RHBDL3: variants seen among roughly 807,000 people sequenced by gnomAD.
RHBDL3 encodes rhomboid like 3.
RHBDL3 carries 28 observed loss-of-function variants against 48.2 expected under a neutral mutation model. The ratio of observed to expected loss-of-function variants is 0.58; its 90% CI spans 0.43 to 0.80. The LOEUF (loss-of-function observed/expected upper bound fraction) is 0.80. Ranked by LOEUF, RHBDL3 falls within the 30% of genes least tolerant of loss-of-function variation. The probability of loss-of-function intolerance (pLI) is 0.00; values close to 1 mark genes in which losing one functional copy is unlikely to be tolerated. For missense variants in RHBDL3, 464 were observed against 542.7 expected, an observed-to-expected ratio of 0.85 and a Z score of 1.44; for synonymous variants, 208 against 232.3, an observed-to-expected ratio of 0.90 and a Z score of 0.95.
At chr17:32,311,654 C>T (rs1276107110) in intron 7 of RHBDL3, among the ~76,000 whole-genome samples, 2 of 152,072 alleles carry the variant, frequency 1.3e-5, no homozygotes, top group East Asian at 1.9e-4. Flanking sequence ...TTTCAGGGTC[C>T]AGGCAGATGT....
intron 2 of RHBDL3, among the ~76,000 whole-genome samples, chr17:32,282,999 A>T (rs1216878873): frequency 6.6e-6 from 1 of 152,246 alleles, no homozygotes; most frequent in African/African-American, 2.4e-5. Context: ...TGCTACACAC[A>T]GAATCCACTT....
chr17:32,291,108 G>C lies in RHBDL3; in HGVS notation c.519+2092G>C, dbSNP rs192144793. The stretch of plus-strand genomic sequence containing the variant: ...AGCACTTTCAAAGGCCGAGGTGGGC[G>C]GATCACTTGAGGTTAGGAATTTAAG... On this transcript the variant is annotated intron_variant, in intron 4 of 8. Coordinates refer to ENST00000269051, the MANE Select transcript of RHBDL3 (RefSeq NM_138328.3). Among the ~76,000 whole-genome samples, 121 of 152,054 alleles carry C rather than the reference G, an allele frequency of 8.0e-4. No individual in the cohort carries two copies. In the East Asian group the frequency reaches 0.019, roughly 24 times the overall value.
intron 4 of RHBDL3, among the ~76,000 whole-genome samples, chr17:32,289,943 CCT>C (rs1555587151): frequency 3.9e-5 from 6 of 152,204 alleles, no homozygotes; most frequent in East Asian, 3.8e-4. Context: ...CCAGCATTCC[CCT>C]GTTTGTTGTT....
intron 8 of RHBDL3, 131 bp from the exon 9 acceptor site, chr17:32,320,827 A>G: frequency 6.1e-6 from 4 of 660,766 alleles, no homozygotes; most frequent in South Asian, 1.8e-5. Context: ...CTCCTTCACT[A>G]CTGTGTCCCC....
Position 32,265,876 on chromosome 17 carries a change from G to GCGGGGC in RHBDL3, c.-304_-299dup, listed in dbSNP as rs1175557538. ...AAGCGGGAAGGGAGCGCGGGGAGCG[G>GCGGGGC]CGGGGCCGGGGCCGGCCCAAGGGCG... On this transcript the variant is annotated 5_prime_UTR_variant, in exon 1 of 9. Transcript: ENST00000269051. 2.0e-5 allele frequency among the ~76,000 whole-genome samples: 3 copies of GCGGGGC among 147,316 alleles called. No individual in the cohort carries two copies. The highest frequency in any genetic ancestry group is 4.5e-5 in the Non-Finnish European group (3 of 66,106).
chr17:32,270,084 G>T (rs141593403), intron 2 of RHBDL3, among the ~76,000 whole-genome samples: 1,720 of 147,922 alleles, frequency 0.012, 41 homozygotes, highest in African/African-American at 0.04. Flanking sequence ...CCAGCATTTT[G>T]GGAGGCTGAG....
intron 3 of RHBDL3, among the ~76,000 whole-genome samples, chr17:32,285,761 G>A (rs1313461999): frequency 6.6e-6 from 1 of 152,188 alleles, no homozygotes; most frequent in African/African-American, 2.4e-5. Flanking sequence ...CCCATGGAGG[G>A]AGCGAGAGTG....
chr17:32,310,273 G>C (rs2040812513), intron 7 of RHBDL3, among the ~76,000 whole-genome samples: 1 of 152,042 alleles, frequency 6.6e-6, no homozygotes, highest in Non-Finnish European at 1.5e-5. Context: ...AGACACTAAA[G>C]ATTTCTGTTA....
chr17:32,315,129 T>C (rs1267841458), intron 7 of RHBDL3, among the ~76,000 whole-genome samples: 1 of 152,242 alleles, frequency 6.6e-6, no homozygotes, highest in Non-Finnish European at 1.5e-5. Flanking sequence ...TCCATGCCAG[T>C]GTTCAGGGCC....
intron 2 of RHBDL3, among the ~76,000 whole-genome samples, chr17:32,274,473 G>C (rs771156969): frequency 6.6e-6 from 1 of 152,168 alleles, no homozygotes. Flanking sequence ...AATATTCTTC[G>C]AGGGAGCAAA....
At chr17:32,283,916 G>A (rs752620485) in intron 2 of RHBDL3, among the ~76,000 whole-genome samples, 10 of 152,204 alleles carry the variant, frequency 6.6e-5, no homozygotes, top group Non-Finnish European at 8.8e-5. Context: ...GCCAAGAGAA[G>A]GGCATATCTG....
intron 8 of RHBDL3, among the ~76,000 whole-genome samples, chr17:32,319,014 T>C (rs72811095): frequency 0.16 from 24,224 of 151,324 alleles, 2,264 homozygotes; most frequent in African/African-American, 0.25. Context: ...TGAGTCAGGG[T>C]ATTAGGGTGC....
At chr17:32,297,243 G>A (rs1311345072) in intron 5 of RHBDL3, among the ~76,000 whole-genome samples, 1 of 151,586 alleles carries the variant, frequency 6.6e-6, no homozygotes, top group East Asian at 2.0e-4. Flanking sequence ...CGAGGCGAGT[G>A]GATCACTTGA....
intron 8 of RHBDL3, among the ~76,000 whole-genome samples, chr17:32,317,598 C>A (rs1301921631): frequency 6.6e-6 from 1 of 152,062 alleles, no homozygotes; most frequent in Non-Finnish European, 1.5e-5. Context: ...TCATGGCCAG[C>A]GAGTTGGTTA....
intron 1 of RHBDL3, 71 bp from the exon 2 acceptor site, chr17:32,267,831 G>A (rs2150684236): frequency 6.2e-7 from 1 of 1,612,752 alleles, no homozygotes; most frequent in African/African-American, 1.3e-5. Context: ...GGACTACAGA[G>A]ACCTTGGTGA....
chr17:32,296,217 T>C (rs1396924774), intron 5 of RHBDL3, among the ~76,000 whole-genome samples: 2 of 124,206 alleles, frequency 1.6e-5, no homozygotes, highest in Admixed American at 2.0e-4. Context: ...AGAGACTGCC[T>C]GGATGACAGA....
rs142871399 is a variant in RHBDL3 at position 32,275,684 on chromosome 17, G to A, written c.135+7759G>A. Among the ~76,000 whole-genome samples the A allele has an allele frequency of 2.2e-3, 338 of 152,308 alleles. 1 individual carries two copies. The highest frequency in any genetic ancestry group is 6.8e-3 in the Middle Eastern group (2 of 294). On this transcript the variant is annotated intron_variant, in intron 2 of 8. Coordinates refer to ENST00000269051, the MANE Select transcript of RHBDL3 (RefSeq NM_138328.3). ...CTGTCTCTCCCTAATCAGCCTGGCT[G>A]CCCCATCCTAGGATTCGGCTGTTCG...
chr17:32,271,707 A>G (rs1228218975), intron 2 of RHBDL3, among the ~76,000 whole-genome samples: 1 of 152,222 alleles, frequency 6.6e-6, no homozygotes, highest in African/African-American at 2.4e-5. Flanking sequence ...AACAAAGCAC[A>G]ATTGCTTTCA....
intron 7 of RHBDL3, among the ~76,000 whole-genome samples, chr17:32,312,766 C>T (rs571081332): frequency 2.0e-5 from 3 of 152,122 alleles, no homozygotes; most frequent in South Asian, 2.1e-4. Flanking sequence ...GATCCGCCTG[C>T]GTCAGCCTCC....
Sources: gnomAD v4.1 joint callset for allele counts (sites outside exome capture counted in the v4.1 genomes callset) on GRCh38, gnomAD v4.1.1 for gene constraint, MANE v1.5 for transcripts, NCBI Gene and HGNC (gene_info 2026-07-23, HGNC 2026-07-21) for gene names.